The following SLC16A5 variants were observed in gnomAD, a reference collection of about 807,000 sequenced individuals.
The protein encoded by SLC16A5 is solute carrier family 16 member 5, also known as monocarboxylate transporter 6.
SLC16A5 carries 29 observed loss-of-function variants against 33.2 expected under a neutral mutation model. That is an observed-to-expected ratio of 0.87 (90% CI 0.65 to 1.19). The LOEUF (loss-of-function observed/expected upper bound fraction) is 1.19, where lower values mean the gene tolerates loss of function less well. SLC16A5 is among the 50% of genes most tolerant of loss of function. The pLI, the probability that SLC16A5 is intolerant of heterozygous loss-of-function variation, is 0.00. For synonymous variants in SLC16A5, 248 were observed against 284.1 expected (o/e 0.87, Z 1.28); for missense variants, 606 against 678.2 (o/e 0.89, Z 1.18).
In SLC16A5 at chr17:75,101,552, A is replaced by T. The variant is rs1358714631; in HGVS notation, c.1153+736A>T. Among the ~76,000 whole-genome samples the T allele has an allele frequency of 6.1e-4, 63 of 104,012 alleles. 1 individual carries two copies. Among genetic ancestry groups the T allele is most frequent in the Middle Eastern group, 5.7e-3 (1 of 176 alleles). The allele number at this position is 104,012 out of a possible 152,430, so 68.2% of individuals were successfully genotyped here. A position where few individuals can be genotyped will look rare whatever the true frequency, so the allele number is the denominator to read the frequency against. On this transcript the variant is annotated intron_variant, in intron 5 of 6. Coordinates refer to ENST00000329783, the MANE Select transcript of SLC16A5 (RefSeq NM_004695.4). ...ACTCCAGCCTGGGTGACAGAGTGAG[A>T]CTCCATCTGAAAAAAAAAAAAAAAA...
At chr17:75,092,786 T>C (rs1372500712) in intron 2 of SLC16A5, among the ~76,000 whole-genome samples, 1 of 151,620 alleles carries the variant, frequency 6.6e-6, no homozygotes, top group Non-Finnish European at 1.5e-5. Flanking sequence ...TGTGTTTGTG[T>C]GTGACTGGGT....
chr17:75,088,381 A>T (rs946739628), intron 1 of SLC16A5, among the ~76,000 whole-genome samples: 3 of 152,142 alleles, frequency 2.0e-5, no homozygotes, highest in Non-Finnish European at 2.9e-5. Context: ...CACTGCGGGG[A>T]TGGGCAGGGC....
chr17:75,101,894 CAA>C (rs1186882050), intron 5 of SLC16A5, among the ~76,000 whole-genome samples: 1 of 152,154 alleles, frequency 6.6e-6, no homozygotes, highest in African/African-American at 2.4e-5. Context: ...CTCAGCCTCC[CAA>C]AGTGCTGGGA....
intron 4 of SLC16A5, among the ~76,000 whole-genome samples, chr17:75,099,738 C>T (rs1400609206): frequency 6.6e-6 from 1 of 152,178 alleles, no homozygotes; most frequent in Non-Finnish European, 1.5e-5. Context: ...CGCGCTCGGC[C>T]CAATTTGGGT....
chr17:75,092,030 T>C (rs966569935), intron 2 of SLC16A5, among the ~76,000 whole-genome samples: 1 of 148,438 alleles, frequency 6.7e-6, no homozygotes, highest in Non-Finnish European at 1.5e-5. Context: ...GTGAGGGGGG[T>C]GTGTGTGTGT....
At position 75,100,484 on chromosome 17, in the gene SLC16A5, C is replaced by A. The variant is rs2073779556; in HGVS notation, c.821C>A (p.Ala274Asp). 1 of 1,614,228 alleles carries A rather than the reference C, an allele frequency of 6.2e-7. No individual in the cohort carries two copies. The highest frequency in any genetic ancestry group is 1.1e-5 in the South Asian group (1 of 91,080). ...CACAGCGTGGACGAGCAGCAGGCAG[C>A]CCTCCTCATCTCCATCATCGGCTTC... ...MWHSVDEQQAALLISIIGFSN... is the reference protein window; with the variant it reads ...MWHSVDEQQADLLISIIGFSN... Residue 274 changes from alanine (A) to aspartate (D), a missense_variant, in exon 5 of 7, where the codon GCC (alanine) becomes GAC (aspartate). Ala to Asp is a moderately radical substitution (Grantham distance 126). Coordinates refer to ENST00000329783, the MANE Select transcript of SLC16A5 (RefSeq NM_004695.4).
chr17:75,092,854 T>TGTGA (rs1454290114), intron 2 of SLC16A5, among the ~76,000 whole-genome samples: 93 of 150,916 alleles, frequency 6.2e-4, no homozygotes, highest in Non-Finnish European at 1.1e-3. Flanking sequence ...TGTGTGTGTG[T>TGTGA]GTGTGTTTAT....
At chr17:75,110,147 T>A (rs2073897272), downstream of SLC16A5, 4 of 740,066 alleles carry the variant, frequency 5.4e-6, no homozygotes, top group East Asian at 1.1e-4. Flanking sequence ...CTGCAGAATC[T>A]GAACCCAGGA....
At chr17:75,107,754 C>T (rs553634955), downstream of SLC16A5, among the ~76,000 whole-genome samples, 9 of 152,266 alleles carry the variant, frequency 5.9e-5, no homozygotes, top group East Asian at 3.9e-4. Flanking sequence ...CTGGCTAACA[C>T]GGTGAAACCT....
intron 3 of SLC16A5, among the ~76,000 whole-genome samples, chr17:75,095,114 A>G (rs540466020): frequency 6.6e-6 from 1 of 152,254 alleles, no homozygotes; most frequent in African/African-American, 2.4e-5. Context: ...TACTCCCTCC[A>G]CTTGCCACCA....
chr17:75,089,857 T>C (rs1235822406), intron 2 of SLC16A5: 1 of 151,882 alleles, frequency 6.6e-6, no homozygotes, highest in Non-Finnish European at 1.5e-5. Flanking sequence ...GGGCTGAATC[T>C]TCTTTTAAGA....
At chr17:75,102,408 G>A (rs1376938791) in intron 5 of SLC16A5, among the ~76,000 whole-genome samples, 10 of 151,804 alleles carry the variant, frequency 6.6e-5, no homozygotes, top group Non-Finnish European at 1.3e-4. Flanking sequence ...ACTCCAACTC[G>A]AAAAAAATAA....
intron 6 of SLC16A5, chr17:75,104,644 T>G (rs1465392580): frequency 1.7e-6 from 1 of 590,642 alleles, no homozygotes; most frequent in African/African-American, 2.0e-5. Context: ...GAGATGGGGT[T>G]TCTCTATGTT....
chr17:75,106,142 A>C lies in SLC16A5; in HGVS notation c.*109A>C. 1.9e-6 allele frequency: 1 copy of C among 515,486 alleles called. No individual in the cohort carries two copies. The highest frequency in any genetic ancestry group is 4.3e-5 in the South Asian group (1 of 23,516). The allele number at this position is 515,486 out of a possible 1,614,324, so 31.9% of individuals were successfully genotyped here. The stretch of plus-strand genomic sequence containing the variant: ...TACTTTGTTAGAGCAAAATAATAAA[A>C]TTTAATTTTAAAAAAGAAAACGTAG... On this transcript the variant is annotated 3_prime_UTR_variant, in exon 7 of 7. Transcript: ENST00000329783.
At chr17:75,104,481 A>G (rs1023368512) in intron 6 of SLC16A5, 7 of 1,125,928 alleles carry the variant, frequency 6.2e-6, no homozygotes, top group Middle Eastern at 4.1e-4. Flanking sequence ...GTGCAGTGGC[A>G]CCATCTCGGC....
chr17:75,109,605 A>C (rs375609428), downstream of SLC16A5, among the ~76,000 whole-genome samples: 1 of 152,084 alleles, frequency 6.6e-6, no homozygotes, highest in Non-Finnish European at 1.5e-5. The surrounding 1 kb of genome is among the most constrained non-coding windows in gnomAD (Gnocchi z 5.0). Context: ...CTTCTGGGCC[A>C]TGTCGGGACG....
chr17:75,090,463 T>TTTTC (rs1491109881), intron 2 of SLC16A5: 205 of 45,798 alleles, frequency 4.5e-3, no homozygotes, highest in Non-Finnish European at 2.4e-3. Flanking sequence ...TTTTCTTTTC[T>TTTTC]TTTTTTTTTT....
At chr17:75,091,877 AG>A (rs1339756494) in intron 2 of SLC16A5, among the ~76,000 whole-genome samples, 1 of 152,018 alleles carries the variant, frequency 6.6e-6, no homozygotes, top group Non-Finnish European at 1.5e-5. Context: ...GCAGGATAGG[AG>A]GGGGTTGAAA....
chr17:75,104,207 G>A (rs1162454982), intron 6 of SLC16A5, 27 bp downstream of exon 6: 2 of 1,610,260 alleles, frequency 1.2e-6, no homozygotes, highest in Non-Finnish European at 1.7e-6. Flanking sequence ...TAAGACCCAG[G>A]GTTCATCTGT....
Sources: allele counts gnomAD v4.1 joint callset (sites outside exome capture counted in the v4.1 genomes callset), GRCh38; gene constraint gnomAD v4.1.1; non-coding constraint Gnocchi (gnomAD v3.1); transcripts MANE v1.5; gene names NCBI Gene and HGNC (gene_info 2026-07-23, HGNC 2026-07-21).